Variants in SLC25A13 observed in about 807,000 individuals in gnomAD.
The protein encoded by SLC25A13 is solute carrier family 25 member 13, also known as electrogenic aspartate/glutamate antiporter SLC25A13, mitochondrial.
SLC25A13 carries 70 observed loss-of-function variants against 85.5 expected under a neutral mutation model. The ratio of observed to expected loss-of-function variants is 0.82; its 90% CI spans 0.68 to 1.00. The LOEUF is 1.00. Ranked by LOEUF, SLC25A13 falls within the 50% of genes least tolerant of loss-of-function variation. The pLI, the probability that SLC25A13 is intolerant of heterozygous loss-of-function variation, is 0.00. For synonymous variants in SLC25A13, 259 were observed against 288.7 expected (o/e 0.90, Z 1.04); for missense variants, 765 against 819.8 (o/e 0.93, Z 0.82).
intron 13 of SLC25A13, among the ~76,000 whole-genome samples, chr7:96,152,931 T>C (rs1221550530): frequency 1.3e-5 from 2 of 152,268 alleles, no homozygotes; most frequent in East Asian, 1.9e-4. Flanking sequence ...TGTAGTCTAC[T>C]TGCAGGGGAA....
At chr7:96,252,597 G>A (rs1797474974) in intron 3 of SLC25A13, among the ~76,000 whole-genome samples, 1 of 152,188 alleles carries the variant, frequency 6.6e-6, no homozygotes. Flanking sequence ...GGAAAAACTA[G>A]AGATGTGAGA....
chr7:96,303,597 T>C (rs1799633040), intron 1 of SLC25A13, among the ~76,000 whole-genome samples: 1 of 152,242 alleles, frequency 6.6e-6, no homozygotes, highest in African/African-American at 2.4e-5. Context: ...CTTGCTGCTA[T>C]GCGGCCTATG....
At chr7:96,141,019 C>CTTTTTTT (rs11433644) in intron 14 of SLC25A13, among the ~76,000 whole-genome samples, 3 of 124,708 alleles carry the variant, frequency 2.4e-5, no homozygotes, top group Non-Finnish European at 5.0e-5. Context: ...TTTTTTCTTT[C>CTTTTTTT]TTTTTTTTTT....
At chr7:96,286,101 G>A (rs140817046) in intron 2 of SLC25A13, among the ~76,000 whole-genome samples, 1,730 of 151,900 alleles carry the variant, frequency 0.011, 31 homozygotes, top group African/African-American at 0.04. Flanking sequence ...TGGCTAACAC[G>A]GTGAAACCCC....
intron 3 of SLC25A13, among the ~76,000 whole-genome samples, chr7:96,238,321 C>A (rs1345951090): frequency 4.6e-5 from 7 of 152,070 alleles, no homozygotes; most frequent in Admixed American, 4.6e-4. Flanking sequence ...TCCCTTACAG[C>A]CCTCAGAAGA....
At chr7:96,306,163 T>G (rs1195606904) in intron 1 of SLC25A13, among the ~76,000 whole-genome samples, 1 of 152,218 alleles carries the variant, frequency 6.6e-6, no homozygotes, top group Non-Finnish European at 1.5e-5. Flanking sequence ...GGCAGAGCCC[T>G]AATTTGATTG....
chr7:96,201,511 C>CAA (rs11448108), intron 5 of SLC25A13, among the ~76,000 whole-genome samples: 14,818 of 124,332 alleles, frequency 0.12, 1,245 homozygotes, highest in Non-Finnish European at 0.18. Flanking sequence ...GACTCTGTCT[C>CAA]AAAAAAAAAA....
chr7:96,164,126 C>T (rs1793639574), intron 13 of SLC25A13, among the ~76,000 whole-genome samples: 2 of 152,320 alleles, frequency 1.3e-5, no homozygotes, highest in African/African-American at 4.8e-5. Context: ...GGCCTATAAC[C>T]TGTTTTAACA....
At chr7:96,133,860 G>T (rs1792145336) in intron 14 of SLC25A13, among the ~76,000 whole-genome samples, 1 of 151,868 alleles carries the variant, frequency 6.6e-6, no homozygotes, top group African/African-American at 2.4e-5. Context: ...GGTGGAGGTT[G>T]TAGTGAGCTG....
At chr7:96,195,081 C>T (rs1365345472) in intron 5 of SLC25A13, among the ~76,000 whole-genome samples, 1 of 152,172 alleles carries the variant, frequency 6.6e-6, no homozygotes, top group Non-Finnish European at 1.5e-5. Context: ...AAAGCTAAGG[C>T]TTAACTCCCA....
intron 5 of SLC25A13, among the ~76,000 whole-genome samples, chr7:96,200,430 TAATTAA>T (rs1401764046): frequency 6.6e-6 from 1 of 152,218 alleles, no homozygotes; most frequent in Non-Finnish European, 1.5e-5. Flanking sequence ...AAAAACATTC[TAATTAA>T]AATGAAGATC....
At chr7:96,243,636 C>T (rs1797075207) in intron 3 of SLC25A13, among the ~76,000 whole-genome samples, 1 of 152,058 alleles carries the variant, frequency 6.6e-6, no homozygotes, top group Admixed American at 6.5e-5. Flanking sequence ...GATAAGGCTA[C>T]TTTGCCTAAA....
At chr7:96,235,325 G>A (rs912252190) in intron 3 of SLC25A13, among the ~76,000 whole-genome samples, 1 of 152,028 alleles carries the variant, frequency 6.6e-6, no homozygotes, top group Non-Finnish European at 1.5e-5. Flanking sequence ...TGCAAAAAAC[G>A]GTTCACAGAT....
intron 15 of SLC25A13, among the ~76,000 whole-genome samples, chr7:96,125,454 C>T (rs898881941): frequency 6.6e-5 from 10 of 152,130 alleles, no homozygotes; most frequent in African/African-American, 2.4e-4. Flanking sequence ...TGAGTCCTTG[C>T]ATGTGAAAAA....
In SLC25A13 at chr7:96,234,507, C is replaced by G. The variant is rs1009804793; in HGVS notation, c.328+295G>C. Among the ~76,000 whole-genome samples, 47 of 152,262 alleles carry G rather than the reference C, an allele frequency of 3.1e-4. 1 individual carries two copies. In the South Asian group the frequency reaches 4.4e-3, roughly 14 times the overall value. ...CACTACTGATGATGCAGGGAAGAAA[C>G]AGAAGTCCTGTCTGGCTCTCACATG... On this transcript the variant is annotated intron_variant, in intron 4 of 17. Coordinates refer to ENST00000265631, the MANE Select transcript of SLC25A13 (RefSeq NM_014251.3).
In SLC25A13 at chr7:96,293,821, C is replaced by T. The variant is rs1034845265; in HGVS notation, c.69+3077G>A. Reference sequence around the variant, plus strand: ...ATGTGGAGAAATAGGAACACTTTTACACTGTTGGTGGGACTGTAAACTAGT... The same window carrying T: ...ATGTGGAGAAATAGGAACACTTTTATACTGTTGGTGGGACTGTAAACTAGT... On this transcript the variant is annotated intron_variant, in intron 2 of 17. Transcript: ENST00000265631. Among the ~76,000 whole-genome samples the T allele has an allele frequency of 9.2e-5, 14 of 152,298 alleles. No individual in the cohort carries two copies. In the East Asian group the frequency reaches 2.7e-3, roughly 29 times the overall value.
At position 96,154,039 on chromosome 7, in the gene SLC25A13, G is replaced by C. The variant is rs1424211905; in HGVS notation, c.1312-7343C>G. 2.6e-5 allele frequency among the ~76,000 whole-genome samples: 4 copies of C among 152,126 alleles called. No individual in the cohort carries two copies. In the East Asian group the frequency reaches 7.7e-4, roughly 29 times the overall value. ...TTAAAATGCAAATTTTCCTAAAAATGATTATAACAGTCAAATATTATAACT... is the reference window on the plus strand; with the variant it reads ...TTAAAATGCAAATTTTCCTAAAAATCATTATAACAGTCAAATATTATAACT... On this transcript the variant is annotated intron_variant, in intron 13 of 17. Coordinates refer to ENST00000265631, the MANE Select transcript of SLC25A13 (RefSeq NM_014251.3).
At chr7:96,179,209 T>C (rs549222736) in intron 11 of SLC25A13, among the ~76,000 whole-genome samples, 9 of 152,354 alleles carry the variant, frequency 5.9e-5, no homozygotes, top group South Asian at 4.1e-4. Flanking sequence ...TTTTTCACCA[T>C]AGTACATGAG....
intron 1 of SLC25A13, among the ~76,000 whole-genome samples, chr7:96,303,478 A>G (rs1226929226): frequency 6.6e-6 from 1 of 152,102 alleles, no homozygotes; most frequent in East Asian, 1.9e-4. Context: ...ATCCCAAAGA[A>G]AAGTATTCTT....
Sources: allele counts gnomAD v4.1 joint callset (sites outside exome capture counted in the v4.1 genomes callset), GRCh38; gene constraint gnomAD v4.1.1; transcripts MANE v1.5; gene names NCBI Gene and HGNC (gene_info 2026-07-23, HGNC 2026-07-21).